Variants in NXPH1 observed in about 807,000 individuals in gnomAD.
NXPH1 encodes neurexophilin 1.
Under a neutral mutation model 23.7 loss-of-function variants are expected in NXPH1, and 5 were observed. That is an observed-to-expected ratio of 0.21 (90% CI 0.11 to 0.44). The LOEUF (loss-of-function observed/expected upper bound fraction) is 0.44, where lower values mean the gene tolerates loss of function less well. Ranked by LOEUF, NXPH1 falls within the 20% of genes least tolerant of loss-of-function variation. The pLI, the probability that NXPH1 is intolerant of heterozygous loss-of-function variation, is 0.99. For synonymous variants in NXPH1, 144 were observed against 122.2 expected (o/e 1.18, Z -1.18); for missense variants, 324 against 321.6 (o/e 1.01, Z -0.06).
At chr7:8,507,214 G>A (rs1817542023) in intron 2 of NXPH1, among the ~76,000 whole-genome samples, 1 of 151,660 alleles carries the variant, frequency 6.6e-6, no homozygotes, top group Non-Finnish European at 1.5e-5. Context: ...GGAAGTGTCT[G>A]AATGACTATT....
intron 2 of NXPH1, among the ~76,000 whole-genome samples, chr7:8,478,574 A>C (rs1329094102): frequency 6.6e-6 from 1 of 152,034 alleles, no homozygotes; most frequent in Non-Finnish European, 1.5e-5. Flanking sequence ...AACCAAGAGA[A>C]CAGAACAAAT....
rs187953519 is a variant in NXPH1, at chr7:8,522,284, C to A, written c.54+86517C>A. Among the ~76,000 whole-genome samples, 3 of 152,214 alleles carry A rather than the reference C, an allele frequency of 2.0e-5. No homozygotes were observed. The East Asian group carries it at 5.8e-4, about 29-fold the overall frequency. The stretch of plus-strand genomic sequence containing the variant: ...CATGAGTCTAGCTCTATCCCTTGGT[C>A]CCATTTTCTGCTGGGCTAGCTCTCC... On this transcript the variant is annotated intron_variant, in intron 2 of 2. Transcript: ENST00000405863.
intron 2 of NXPH1, among the ~76,000 whole-genome samples, chr7:8,695,263 C>G (rs186341184): frequency 6.6e-6 from 1 of 152,256 alleles, no homozygotes; most frequent in Admixed American, 6.5e-5. Flanking sequence ...ATCCTCCCCA[C>G]CTTCTTAAGA....
rs555238919 is a variant in NXPH1, at chr7:8,646,698, T to G, written c.55-104310T>G. 5.9e-5 allele frequency among the ~76,000 whole-genome samples: 9 copies of G among 152,278 alleles called. No homozygotes were observed. The South Asian group carries it at 1.9e-3, about 32-fold the overall frequency. On this transcript the variant is annotated intron_variant, in intron 2 of 2. Coordinates refer to ENST00000405863, the MANE Select transcript of NXPH1 (RefSeq NM_152745.3). ...TTCCTATTCTATCAAGGTGATCATA[T>G]AATTTTTCTCATTGGATGTGTTAAT...
intron 2 of NXPH1, among the ~76,000 whole-genome samples, chr7:8,477,486 C>G (rs111299393): frequency 9.2e-5 from 14 of 152,246 alleles, no homozygotes; most frequent in African/African-American, 3.4e-4. Context: ...AATTTTCTTT[C>G]TTTCCTAGAC....
At chr7:8,638,424 A>C (rs936170185) in intron 2 of NXPH1, among the ~76,000 whole-genome samples, 5 of 152,210 alleles carry the variant, frequency 3.3e-5, no homozygotes, top group Non-Finnish European at 7.4e-5. Context: ...TTTGCATATT[A>C]CCACAGCTAG....
At chr7:8,618,683 T>A (rs555660809) in intron 2 of NXPH1, among the ~76,000 whole-genome samples, 1 of 152,296 alleles carries the variant, frequency 6.6e-6, no homozygotes, top group Admixed American at 6.5e-5. Flanking sequence ...TAATGCATTG[T>A]TTCCTTAGAA....
At chr7:8,571,112 T>G (rs1342719462) in intron 2 of NXPH1, among the ~76,000 whole-genome samples, 1 of 151,776 alleles carries the variant, frequency 6.6e-6, no homozygotes, top group African/African-American at 2.4e-5. Flanking sequence ...CTGGTCCCAC[T>G]TAGAATTATG....
At chr7:8,665,492 A>G (rs1006968985) in intron 2 of NXPH1, among the ~76,000 whole-genome samples, 4 of 151,956 alleles carry the variant, frequency 2.6e-5, no homozygotes, top group African/African-American at 9.7e-5. Flanking sequence ...TGCTTTGGCC[A>G]TTTGGGGTCT....
chr7:8,507,346 C>A (rs1442910899), intron 2 of NXPH1, among the ~76,000 whole-genome samples: 1 of 151,640 alleles, frequency 6.6e-6, no homozygotes, highest in African/African-American at 2.4e-5. Flanking sequence ...AGCATTTACA[C>A]CAGTGTTTGA....
chr7:8,639,013 A>C (rs1820264537), intron 2 of NXPH1, among the ~76,000 whole-genome samples: 1 of 152,168 alleles, frequency 6.6e-6, no homozygotes. Context: ...ACATATATTG[A>C]AACTATGAAA....
intron 2 of NXPH1, among the ~76,000 whole-genome samples, chr7:8,439,137 T>C (rs554888956): frequency 9.8e-5 from 15 of 152,356 alleles, no homozygotes; most frequent in Admixed American, 9.1e-4. Context: ...AAAAAAGTTT[T>C]GCAATCTTTA....
At chr7:8,731,825 C>T (rs1189181883) in intron 2 of NXPH1, among the ~76,000 whole-genome samples, 2 of 152,236 alleles carry the variant, frequency 1.3e-5, no homozygotes, top group African/African-American at 2.4e-5. Flanking sequence ...AGAAGTGGAG[C>T]CTACAGAGGC....
At chr7:8,695,873 C>G (rs541904854) in intron 2 of NXPH1, among the ~76,000 whole-genome samples, 2 of 152,196 alleles carry the variant, frequency 1.3e-5, no homozygotes, top group Admixed American at 1.3e-4. Context: ...CAGCTGTGCC[C>G]CAGTGAATGT....
intron 2 of NXPH1, among the ~76,000 whole-genome samples, chr7:8,641,379 A>G (rs1482521279): frequency 1.3e-5 from 2 of 152,054 alleles, no homozygotes; most frequent in Non-Finnish European, 2.9e-5. Context: ...GGGATGACAA[A>G]TTGTTATTTT....
chr7:8,650,978 T>C (rs2115152031), intron 2 of NXPH1, among the ~76,000 whole-genome samples: 1 of 152,080 alleles, frequency 6.6e-6, no homozygotes, highest in South Asian at 2.1e-4. Flanking sequence ...TTTATTTATT[T>C]ATTATTCTTA....
intron 2 of NXPH1, among the ~76,000 whole-genome samples, chr7:8,483,908 T>G (rs531303032): frequency 6.6e-6 from 1 of 151,680 alleles, no homozygotes; most frequent in Non-Finnish European, 1.5e-5. Context: ...ACTGGAAATT[T>G]ATGGCCATTC....
chr7:8,543,300 G>A (rs1304275035), intron 2 of NXPH1, among the ~76,000 whole-genome samples: 1 of 151,406 alleles, frequency 6.6e-6, no homozygotes, highest in Non-Finnish European at 1.5e-5. Context: ...CCTTATCCAT[G>A]CAAGCTCCCA....
At chr7:8,533,926 C>T (rs189460379) in intron 2 of NXPH1, among the ~76,000 whole-genome samples, 26 of 150,746 alleles carry the variant, frequency 1.7e-4, no homozygotes, top group Admixed American at 9.3e-4. Context: ...AGTTCACTGA[C>T]GTTGAAAATT....
Sources: gnomAD v4.1 joint callset for allele counts (sites outside exome capture counted in the v4.1 genomes callset) on GRCh38, gnomAD v4.1.1 for gene constraint, MANE v1.5 for transcripts, NCBI Gene and HGNC (gene_info 2026-07-23, HGNC 2026-07-21) for gene names.